The following NAPEPLD variants were observed in gnomAD, a reference collection of about 807,000 sequenced individuals.
NAPEPLD encodes N-acyl-phosphatidylethanolamine-hydrolyzing phospholipase D.
Under a neutral mutation model 38.1 loss-of-function variants are expected in NAPEPLD, and 23 were observed. That is an observed-to-expected ratio of 0.60 (90% CI 0.43 to 0.86). NAPEPLD has a LOEUF of 0.86. NAPEPLD is among the 40% of genes least tolerant of loss of function. NAPEPLD has a pLI of 0.00. For synonymous variants in NAPEPLD, 147 were observed against 162.0 expected (o/e 0.91, Z 0.71); for missense variants, 411 against 476.8 (o/e 0.86, Z 1.28).
intron 3 of NAPEPLD, among the ~76,000 whole-genome samples, chr7:103,118,772 TAAACAG>T (rs2129528579): frequency 6.6e-6 from 1 of 152,354 alleles, no homozygotes; most frequent in South Asian, 2.1e-4. Context: ...CTCTTTTCCC[TAAACAG>T]AGAATATTAA....
intron 1 of NAPEPLD, among the ~76,000 whole-genome samples, chr7:103,134,484 T>C (rs908927354): frequency 2.0e-5 from 3 of 152,110 alleles, no homozygotes; most frequent in Admixed American, 6.5e-5. Context: ...ACCCCATCTC[T>C]ACTAAAAATA....
upstream of NAPEPLD, among the ~76,000 whole-genome samples, chr7:103,149,714 T>A (rs779597331): frequency 1.3e-5 from 2 of 152,090 alleles, no homozygotes; most frequent in African/African-American, 2.4e-5. Flanking sequence ...ATCAAATTGG[T>A]TCCCCCCGCT....
At chr7:103,120,342 AT>A in intron 2 of NAPEPLD, 119 bp from the exon 3 acceptor site, 2 of 1,069,894 alleles carry the variant, frequency 1.9e-6, no homozygotes, top group East Asian at 5.0e-5. Context: ...AACTAAAGTC[AT>A]TCAATAAACT....
rs528021824 is a variant in NAPEPLD at position 103,145,644 on chromosome 7, A to G, written c.-17+3167T>C. On this transcript the variant is annotated intron_variant, in intron 1 of 4. Transcript: ENST00000465647. Reference sequence around the variant, plus strand: ...TCCCTTCCAACTTGAACATTCCATGACAGAAGTCATCACTTGTGTGACCCT... The same window carrying G: ...TCCCTTCCAACTTGAACATTCCATGGCAGAAGTCATCACTTGTGTGACCCT... 5.3e-5 allele frequency among the ~76,000 whole-genome samples: 8 copies of G among 152,340 alleles called. No individual in the cohort carries two copies. In the East Asian group the frequency reaches 1.5e-3, roughly 29 times the overall value.
intron 4 of NAPEPLD, among the ~76,000 whole-genome samples, chr7:103,104,023 T>G (rs546596168): frequency 1.8e-4 from 28 of 152,204 alleles, no homozygotes; most frequent in African/African-American, 6.7e-4. Flanking sequence ...AAAAGTCTAG[T>G]CACATACAGA....
rs192644815 is a variant in NAPEPLD, at chr7:103,110,324, G to A, written c.1056+4736C>T. On this transcript the variant is annotated intron_variant, in intron 4 of 4. Coordinates refer to ENST00000465647, the MANE Select transcript of NAPEPLD (RefSeq NM_001122838.3). ...CAGGCCAATATCCCTGATGAACATCGATGCGAAAATCCTCAATAATGGCAA... is the reference window on the plus strand; with the variant it reads ...CAGGCCAATATCCCTGATGAACATCAATGCGAAAATCCTCAATAATGGCAA... Among the ~76,000 whole-genome samples, 399 of 152,176 alleles carry A rather than the reference G, an allele frequency of 2.6e-3. 4 individuals carry two copies. The highest frequency in any genetic ancestry group is 9.1e-3 in the African/African-American group (377 of 41,516).
rs187565526 is a variant in NAPEPLD at position 103,099,872 on chromosome 7, T to A, written c.*3557A>T. The A allele has an allele frequency of 5.9e-5, 9 of 152,278 alleles. No individual in the cohort carries two copies. The East Asian group carries it at 1.7e-3, about 29-fold the overall frequency. The allele number at this position is 152,278 out of a possible 1,614,324, so 9.4% of individuals were successfully genotyped here. ...AATTTATCTTTAATAGCATTTTCCA[T>A]AAGCTACTATAACAATTTATTGATA... On this transcript the variant is annotated 3_prime_UTR_variant, in exon 5 of 5. Transcript: ENST00000465647.
At chr7:103,147,642 T>G (rs1347096058) in intron 1 of NAPEPLD, among the ~76,000 whole-genome samples, 1 of 152,206 alleles carries the variant, frequency 6.6e-6, no homozygotes, top group East Asian at 1.9e-4. Flanking sequence ...TCAACTAAAG[T>G]ATAACCAAAA....
chr7:103,118,136 C>T (rs765696445), intron 3 of NAPEPLD, among the ~76,000 whole-genome samples: 1 of 152,096 alleles, frequency 6.6e-6, no homozygotes, highest in African/African-American at 2.4e-5. Flanking sequence ...TGCAGTGAGC[C>T]GAGATCGTGC....
At chr7:103,124,387 G>A (rs1457664638) in intron 2 of NAPEPLD, among the ~76,000 whole-genome samples, 1 of 152,070 alleles carries the variant, frequency 6.6e-6, no homozygotes, top group Non-Finnish European at 1.5e-5. Flanking sequence ...GAACCCAGGA[G>A]GCGAAGGTTG....
chr7:103,149,425 C>G, upstream of NAPEPLD: 1 of 1,239,772 alleles, frequency 8.1e-7, no homozygotes, highest in Non-Finnish European at 1.0e-6. Context: ...GCCGCGCTGG[C>G]TCCGCCGAGG....
chr7:103,145,804 C>G lies in NAPEPLD; in HGVS notation c.-17+3007G>C, dbSNP rs183930056. Among the ~76,000 whole-genome samples the G allele has an allele frequency of 1.5e-3, 225 of 151,932 alleles. 1 individual carries two copies. Among genetic ancestry groups the G allele is most frequent in the Non-Finnish European group, 1.2e-3 (82 of 67,978 alleles). On this transcript the variant is annotated intron_variant, in intron 1 of 4. Coordinates refer to ENST00000465647, the MANE Select transcript of NAPEPLD (RefSeq NM_001122838.3). ...AATTATGCTTAAAAACACTTGGAAC[C>G]GAAGGGGCATACAATCAGCATAGGA... is the stretch of plus-strand genomic sequence containing the variant.
chr7:103,149,256 C>G, upstream of NAPEPLD: 2 of 998,312 alleles, frequency 2.0e-6, no homozygotes, highest in Non-Finnish European at 2.4e-6. Context: ...CGGCGGGGTG[C>G]GAGCGCGGGG....
chr7:103,104,564 C>G (rs1802928102), intron 4 of NAPEPLD, among the ~76,000 whole-genome samples: 1 of 152,152 alleles, frequency 6.6e-6, no homozygotes, highest in Non-Finnish European at 1.5e-5. Flanking sequence ...CCCCCTTGCT[C>G]AGTTCCAGGT....
Position 103,103,204 on chromosome 7 carries a change from AT to A in NAPEPLD, c.*224del. On this transcript the variant is annotated 3_prime_UTR_variant, in exon 5 of 5. Transcript: ENST00000465647. ...TCATGATATGAAATTTAAAATCCAC[AT>A]TAGCCAATTCATTATTTAAATGACC... 2.9e-6 allele frequency: 1 copy of A among 343,084 alleles called. No individual in the cohort carries two copies. Among genetic ancestry groups the A allele is most frequent in the Middle Eastern group, 7.9e-4 (1 of 1,260 alleles). 21.3% of individuals were successfully genotyped at this position (343,084 alleles called of 1,614,324 possible).
intron 1 of NAPEPLD, among the ~76,000 whole-genome samples, chr7:103,140,366 G>C (rs1810969467): frequency 6.9e-6 from 1 of 145,616 alleles, no homozygotes; most frequent in East Asian, 2.0e-4. Flanking sequence ...GAGAAGGCCT[G>C]ATCTTGGAAT....
chr7:103,147,658 T>C (rs1282577578), intron 1 of NAPEPLD, among the ~76,000 whole-genome samples: 1 of 152,202 alleles, frequency 6.6e-6, no homozygotes, highest in Non-Finnish European at 1.5e-5. Context: ...CAAAACCCTG[T>C]GATGGAATGC....
chr7:103,134,534 C>T (rs1178152290), intron 1 of NAPEPLD, among the ~76,000 whole-genome samples: 1 of 152,112 alleles, frequency 6.6e-6, no homozygotes, highest in African/African-American at 2.4e-5. Flanking sequence ...CCTGTAGTCC[C>T]AGCTACTCAG....
chr7:103,149,285 C>G (rs1813256338), upstream of NAPEPLD: 1 of 1,064,592 alleles, frequency 9.4e-7, no homozygotes, highest in African/African-American at 1.7e-5. Context: ...TCACCTCGCG[C>G]TTGGGGTGGC....
Sources: gnomAD v4.1 joint callset for allele counts (sites outside exome capture counted in the v4.1 genomes callset) on GRCh38, gnomAD v4.1.1 for gene constraint, MANE v1.5 for transcripts, NCBI Gene and HGNC (gene_info 2026-07-23, HGNC 2026-07-21) for gene names.